The following RNF157 variants were observed in gnomAD, a reference collection of about 807,000 sequenced individuals.
RNF157 encodes the protein ring finger protein 157, also known as E3 ubiquitin ligase RNF157.
In RNF157, 55 loss-of-function variants were observed where a neutral mutation model predicts 88.3. That is an observed-to-expected ratio of 0.62 (90% CI 0.50 to 0.78). The LOEUF is 0.78. Ranked by LOEUF, RNF157 falls within the 30% of genes least tolerant of loss-of-function variation. The pLI, the probability that RNF157 is intolerant of heterozygous loss-of-function variation, is 0.00. For synonymous variants in RNF157, 334 were observed against 341.2 expected (o/e 0.98, Z 0.23); for missense variants, 788 against 860.8 (o/e 0.92, Z 1.06).
At chr17:76,233,671 A>G (rs535726892) in intron 1 of RNF157, among the ~76,000 whole-genome samples, 1 of 152,194 alleles carries the variant, frequency 6.6e-6, no homozygotes, top group African/African-American at 2.4e-5. Flanking sequence ...CGAGTAGCTG[A>G]TATCATGCCA....
At chr17:76,238,085 C>CAAA (rs555165221) in intron 1 of RNF157, among the ~76,000 whole-genome samples, 17 of 93,710 alleles carry the variant, frequency 1.8e-4, no homozygotes, top group African/African-American at 4.9e-4. Flanking sequence ...GACGATGACT[C>CAAA]AAAAAAAAAA....
At chr17:76,185,787 C>G (rs908586077) in intron 2 of RNF157, among the ~76,000 whole-genome samples, 3 of 152,098 alleles carry the variant, frequency 2.0e-5, no homozygotes, top group Non-Finnish European at 4.4e-5. Context: ...TCCTTTCACA[C>G]GAGCAACCCA....
chr17:76,235,204 T>G (rs1180808845), intron 1 of RNF157, among the ~76,000 whole-genome samples: 1 of 151,860 alleles, frequency 6.6e-6, no homozygotes, highest in Non-Finnish European at 1.5e-5. Flanking sequence ...GGTTACTTTT[T>G]TTTTTTTTTT....
chr17:76,174,592 CA>C, intron 2 of RNF157, among the ~76,000 whole-genome samples: 1 of 152,246 alleles, frequency 6.6e-6, no homozygotes, highest in South Asian at 2.1e-4. Context: ...ATATAATTCC[CA>C]AAAAACCTAC....
Position 76,144,300 on chromosome 17 carries a change from G to A in RNF157, c.*935C>T, listed in dbSNP as rs1021489554. 2 of 151,644 alleles carry A rather than the reference G, an allele frequency of 1.3e-5. No individual in the cohort carries two copies. Among genetic ancestry groups the A allele is most frequent in the African/African-American group, 4.9e-5 (2 of 41,204 alleles). The allele number at this position is 151,644 out of a possible 1,614,324, so 9.4% of individuals were successfully genotyped here. A position where few individuals can be genotyped will look rare whatever the true frequency, so the allele number is the denominator to read the frequency against. On this transcript the variant is annotated 3_prime_UTR_variant, in exon 19 of 19. Coordinates refer to ENST00000269391, the MANE Select transcript of RNF157 (RefSeq NM_052916.3). Reference sequence around the variant, plus strand: ...TTAAGGGAAATCATCTTAACTGGGGGATTCTCAGATTCAAGGGCTCCTTCT... The same window carrying A: ...TTAAGGGAAATCATCTTAACTGGGGAATTCTCAGATTCAAGGGCTCCTTCT...
chr17:76,238,085 C>CAAAAAAAA (rs555165221), intron 1 of RNF157, among the ~76,000 whole-genome samples: 1 of 93,716 alleles, frequency 1.1e-5, no homozygotes, highest in African/African-American at 3.5e-5. Context: ...GACGATGACT[C>CAAAAAAAA]AAAAAAAAAA....
intron 2 of RNF157, among the ~76,000 whole-genome samples, chr17:76,187,945 C>A (rs1369169736): frequency 2.6e-5 from 4 of 152,006 alleles, no homozygotes; most frequent in African/African-American, 9.7e-5. Context: ...GTGCGGAAAC[C>A]CTAATGGAAA....
chr17:76,226,243 G>A, intron 1 of RNF157: 1 of 1,610,434 alleles, frequency 6.2e-7, no homozygotes, highest in Non-Finnish European at 8.5e-7. Context: ...CTTCTTCAGT[G>A]ATATCCACTT....
chr17:76,219,073 G>A (rs1270738108), intron 1 of RNF157, among the ~76,000 whole-genome samples: 1 of 152,106 alleles, frequency 6.6e-6, no homozygotes, highest in African/African-American at 2.4e-5. Flanking sequence ...AGTCAAAGGA[G>A]ATACTTCAAA....
chr17:76,148,566 CT>C (rs35003550), intron 18 of RNF157, among the ~76,000 whole-genome samples: 40,659 of 132,732 alleles, frequency 0.31, 6,347 homozygotes, highest in African/African-American at 0.43. Flanking sequence ...CGTGCCCCGC[CT>C]TTTTTTTTTT....
intron 17 of RNF157, 49 bp downstream of exon 17, chr17:76,154,234 C>G: frequency 7.2e-7 from 1 of 1,393,408 alleles, no homozygotes. Flanking sequence ...AAAGAATACC[C>G]AGGAAAGAAA....
chr17:76,166,055 A>G (rs1598397736), intron 6 of RNF157, among the ~76,000 whole-genome samples: 1 of 149,798 alleles, frequency 6.7e-6, no homozygotes, highest in Non-Finnish European at 1.5e-5. Context: ...GCTCACTGCA[A>G]CCTCCGCCTC....
intron 2 of RNF157, among the ~76,000 whole-genome samples, chr17:76,178,426 G>A (rs1466054852): frequency 2.0e-5 from 3 of 152,238 alleles, no homozygotes; most frequent in Non-Finnish European, 4.4e-5. Flanking sequence ...ACTGCACAGT[G>A]GCCGGACCCC....
chr17:76,239,666 G>C lies in RNF157; in HGVS notation c.88+487C>G, dbSNP rs911981918. Among the ~76,000 whole-genome samples the C allele has an allele frequency of 2.0e-5, 3 of 152,036 alleles. No individual in the cohort carries two copies. The East Asian group carries it at 5.8e-4, about 29-fold the overall frequency. ...GAGAAACCTAATTCTAACCTTTCCAGAGGCCAGGAGACGGCAGCGCAGGGA... is the reference window on the plus strand; with the variant it reads ...GAGAAACCTAATTCTAACCTTTCCACAGGCCAGGAGACGGCAGCGCAGGGA... On this transcript the variant is annotated intron_variant, in intron 1 of 18. Coordinates refer to ENST00000269391, the MANE Select transcript of RNF157 (RefSeq NM_052916.3).
Position 76,154,271 on chromosome 17 carries a change from A to C in RNF157, c.1810+12T>G. ...ATAACTAAAGGAAGTAAAGGACCAG[A>C]TCTTTTACCACCTTCCTGCGTGGGT... On this transcript the variant is annotated intron_variant, in intron 17 of 18. Coordinates refer to ENST00000269391, the MANE Select transcript of RNF157 (RefSeq NM_052916.3). 1 of 1,593,294 alleles carries C rather than the reference A, an allele frequency of 6.3e-7. No homozygotes were observed. The highest frequency in any genetic ancestry group is 8.6e-7 in the Non-Finnish European group (1 of 1,160,936).
intron 1 of RNF157, among the ~76,000 whole-genome samples, chr17:76,229,290 T>G (rs2145072282): frequency 6.6e-6 from 1 of 152,340 alleles, no homozygotes; most frequent in East Asian, 1.9e-4. Flanking sequence ...GAAGCAAAGG[T>G]TTTGACTTAC....
rs760632309 is a variant in RNF157, at chr17:76,158,412, G to C, written c.1394C>G (p.Ser465Trp). The change falls in exon 13 of 19, where the codon TCG becomes TGG. Residue 465 changes from serine to tryptophan, a missense_variant. Transcript: ENST00000269391. ...AATTACCTCTCCGAGATGCTGAACC[G>C]ACGGTCTCTGAGAGAGCTGTGTCTC... is the stretch of plus-strand genomic sequence containing the variant. Reference protein sequence around the residue: ...ESETQLSQRPSVQHLGEECGV... With the variant: ...ESETQLSQRPWVQHLGEECGV... 5 of 1,612,514 alleles carry C rather than the reference G, an allele frequency of 3.1e-6. No homozygotes were observed. The highest frequency in any genetic ancestry group is 4.2e-6 in the Non-Finnish European group (5 of 1,178,796).
chr17:76,201,347 AAG>A (rs993670511), intron 2 of RNF157, among the ~76,000 whole-genome samples: 1 of 151,272 alleles, frequency 6.6e-6, no homozygotes, highest in Non-Finnish European at 1.5e-5. Context: ...AAAAGAGAAA[AAG>A]AAAAAATTTT....
intron 1 of RNF157, among the ~76,000 whole-genome samples, chr17:76,235,510 T>C (rs139489743): frequency 1.3e-5 from 2 of 152,208 alleles, no homozygotes; most frequent in Non-Finnish European, 2.9e-5. Flanking sequence ...AAATTGCATA[T>C]TTTTAAGTGT....
Sources: gnomAD v4.1 joint callset for allele counts (sites outside exome capture counted in the v4.1 genomes callset) on GRCh38, gnomAD v4.1.1 for gene constraint, MANE v1.5 for transcripts, NCBI Gene and HGNC (gene_info 2026-07-23, HGNC 2026-07-21) for gene names.